The following ARHGAP42 variants were observed in gnomAD, a reference collection of about 807,000 sequenced individuals.
The protein encoded by ARHGAP42 is Rho GTPase activating protein 42, also known as rho GTPase-activating protein 42.
ARHGAP42 carries 63 observed loss-of-function variants against 125.0 expected under a neutral mutation model. The ratio of observed to expected loss-of-function variants is 0.50; its 90% CI spans 0.41 to 0.62. ARHGAP42 has a LOEUF of 0.62. ARHGAP42 is among the 20% of genes least tolerant of loss of function. The pLI is 0.00. For missense variants in ARHGAP42, 766 were observed against 1,024.2 expected (o/e 0.75, Z 3.44); for synonymous variants, 339 against 351.0 (o/e 0.97, Z 0.38).
At chr11:100,880,419 C>T (rs369264932) in intron 4 of ARHGAP42, among the ~76,000 whole-genome samples, 3 of 152,228 alleles carry the variant, frequency 2.0e-5, no homozygotes, top group Admixed American at 6.5e-5. Flanking sequence ...CAGGTTGCTG[C>T]GAATGCTATT....
intron 2 of ARHGAP42, among the ~76,000 whole-genome samples, chr11:100,787,649 C>T (rs1863467979): frequency 6.6e-6 from 1 of 152,100 alleles, no homozygotes; most frequent in Non-Finnish European, 1.5e-5. Flanking sequence ...TAAAGTATAG[C>T]ACAGATTGGT....
chr11:100,874,817 G>A (rs1055275397), intron 4 of ARHGAP42, among the ~76,000 whole-genome samples: 4 of 152,046 alleles, frequency 2.6e-5, no homozygotes, highest in African/African-American at 9.7e-5. Context: ...GAATTCCACT[G>A]TTATTATCCA....
chr11:100,953,741 A>C (rs1257738367), intron 12 of ARHGAP42, among the ~76,000 whole-genome samples: 1 of 152,242 alleles, frequency 6.6e-6, no homozygotes, highest in Non-Finnish European at 1.5e-5. Context: ...TCAAATAAGA[A>C]AATAAAATAT....
intron 3 of ARHGAP42, among the ~76,000 whole-genome samples, chr11:100,803,568 C>T (rs1215440911): frequency 3.3e-5 from 5 of 152,268 alleles, no homozygotes; most frequent in Admixed American, 1.3e-4. Flanking sequence ...GTCAAAGCCC[C>T]GTTTCTTCAC....
At chr11:100,803,734 A>G (rs142326074) in intron 3 of ARHGAP42, among the ~76,000 whole-genome samples, 12 of 152,298 alleles carry the variant, frequency 7.9e-5, no homozygotes, top group African/African-American at 2.9e-4. Flanking sequence ...CTCACTTTCT[A>G]GTATAGTCCC....
chr11:100,903,117 G>GCGCGCACACACACACA lies in ARHGAP42; in HGVS notation c.385-10334_385-10333insGCGCACACACACACAC, dbSNP rs373508179. 9.5e-4 allele frequency among the ~76,000 whole-genome samples: 125 copies of GCGCGCACACACACACA among 132,034 alleles called. 1 individual carries two copies. The highest frequency in any genetic ancestry group is 1.6e-3 in the East Asian group (7 of 4,356). The allele number at this position is 132,034 out of a possible 152,430, so 86.6% of individuals were successfully genotyped here. A position where few individuals can be genotyped will look rare whatever the true frequency, so the allele number is the denominator to read the frequency against. ...TCCTCAATCTTGCTGTCCAAGATGC[G>GCGCGCACACACACACA]CACACACACACACACACACACACAC... On this transcript the variant is annotated intron_variant, in intron 4 of 23. Transcript: ENST00000298815.
At position 100,709,232 on chromosome 11, in the gene ARHGAP42, G is replaced by A. The variant is rs140011994; in HGVS notation, c.154+21400G>A. 5.6e-3 allele frequency among the ~76,000 whole-genome samples: 852 copies of A among 152,108 alleles called. 9 individuals are homozygous for A. Among genetic ancestry groups the A allele is most frequent in the African/African-American group, 0.019 (806 of 41,524 alleles). On this transcript the variant is annotated intron_variant, in intron 1 of 23. Coordinates refer to ENST00000298815, the MANE Select transcript of ARHGAP42 (RefSeq NM_152432.4). ...TTTTTGTATTTTTAGTAGAGACGGC[G>A]TTTCACCATGTTGGCCAGGCTGGTC...
At chr11:100,912,861 G>A (rs749430131) in intron 4 of ARHGAP42, among the ~76,000 whole-genome samples, 11 of 152,008 alleles carry the variant, frequency 7.2e-5, no homozygotes, top group African/African-American at 2.4e-4. Flanking sequence ...CAATTTATTC[G>A]ACTTCAAATT....
intron 4 of ARHGAP42, among the ~76,000 whole-genome samples, chr11:100,863,502 A>G (rs1057171812): frequency 6.6e-6 from 1 of 152,194 alleles, no homozygotes; most frequent in Non-Finnish European, 1.5e-5. Flanking sequence ...TTTGTAGTGT[A>G]TTCTATGGCA....
intron 17 of ARHGAP42, among the ~76,000 whole-genome samples, chr11:100,970,820 A>G (rs1287644817): frequency 6.6e-6 from 1 of 152,082 alleles, no homozygotes; most frequent in Non-Finnish European, 1.5e-5. Flanking sequence ...CCTCAGGTAA[A>G]GCCATCCACC....
chr11:100,815,282 C>T (rs948214680), intron 3 of ARHGAP42, among the ~76,000 whole-genome samples: 1 of 152,130 alleles, frequency 6.6e-6, no homozygotes, highest in Non-Finnish European at 1.5e-5. Flanking sequence ...TACATCTACT[C>T]TTTCATTATG....
intron 3 of ARHGAP42, among the ~76,000 whole-genome samples, chr11:100,815,747 C>G (rs1483731955): frequency 6.6e-6 from 1 of 152,138 alleles, no homozygotes; most frequent in Non-Finnish European, 1.5e-5. Context: ...CTACCAATCT[C>G]TAGAACTTGT....
chr11:100,827,258 C>T (rs1180646427), intron 3 of ARHGAP42, among the ~76,000 whole-genome samples: 1 of 152,134 alleles, frequency 6.6e-6, no homozygotes, highest in East Asian at 1.9e-4. Context: ...CCATCTTAGC[C>T]TCTCAAAATG....
intron 4 of ARHGAP42, among the ~76,000 whole-genome samples, chr11:100,897,748 G>A (rs908289602): frequency 2.0e-5 from 3 of 152,136 alleles, no homozygotes; most frequent in Non-Finnish European, 2.9e-5. Context: ...AGGCTGAGAC[G>A]ATGGGGTTTT....
intron 1 of ARHGAP42, among the ~76,000 whole-genome samples, chr11:100,734,561 G>A (rs533285869): frequency 1.2e-4 from 19 of 152,312 alleles, no homozygotes; most frequent in Non-Finnish European, 2.1e-4. Flanking sequence ...GATTACGGGC[G>A]TCAGACACCA....
At chr11:100,848,769 A>G (rs912686245) in intron 3 of ARHGAP42, among the ~76,000 whole-genome samples, 1 of 152,054 alleles carries the variant, frequency 6.6e-6, no homozygotes, top group Admixed American at 6.6e-5. Context: ...GCCTCCCAAA[A>G]TGTAACTTTT....
chr11:100,764,195 A>G (rs980229944), intron 1 of ARHGAP42, among the ~76,000 whole-genome samples: 1 of 151,826 alleles, frequency 6.6e-6, no homozygotes, highest in African/African-American at 2.4e-5. Flanking sequence ...CTGATTTTAA[A>G]TCATTTTTTG....
At chr11:100,975,873 T>G (rs1858376653) in intron 19 of ARHGAP42, among the ~76,000 whole-genome samples, 184 bp from the exon 20 acceptor site, 1 of 152,164 alleles carries the variant, frequency 6.6e-6, no homozygotes, top group Admixed American at 6.6e-5. Context: ...CAAGTTCAAA[T>G]GCATATTTTA....
At chr11:100,746,742 T>C (rs1481521723) in intron 1 of ARHGAP42, among the ~76,000 whole-genome samples, 2 of 152,202 alleles carry the variant, frequency 1.3e-5, no homozygotes, top group Admixed American at 1.3e-4. Context: ...TCCAGTGACC[T>C]CTGCTCCTAA....
Sources: gnomAD v4.1 joint callset for allele counts (sites outside exome capture counted in the v4.1 genomes callset) on GRCh38, gnomAD v4.1.1 for gene constraint, MANE v1.5 for transcripts, NCBI Gene and HGNC (gene_info 2026-07-23, HGNC 2026-07-21) for gene names.